Variants in CDH13 observed in about 807,000 individuals in gnomAD.
CDH13 encodes the protein cadherin-13.
CDH13 carries 24 observed loss-of-function variants against 63.8 expected under a neutral mutation model. The observed-to-expected ratio is 0.38, with a 90% CI of 0.27 to 0.53. The LOEUF (loss-of-function observed/expected upper bound fraction) is 0.53. Among genes scored for constraint, CDH13 ranks in the 20% least tolerant of loss-of-function variants. The probability of loss-of-function intolerance (pLI) is 0.85; values close to 1 mark genes in which losing one functional copy is unlikely to be tolerated. For missense variants in CDH13, 1,049 were observed against 903.1 expected (o/e 1.16, Z -2.07); for synonymous variants, 503 against 355.3 (o/e 1.42, Z -4.67).
intron 8 of CDH13, among the ~76,000 whole-genome samples, chr16:83,627,309 T>C (rs1910400385): frequency 6.6e-6 from 1 of 151,910 alleles, no homozygotes; most frequent in Non-Finnish European, 1.5e-5. Context: ...AAAAAAAAGA[T>C]TCCTATTCAT....
intron 3 of CDH13, among the ~76,000 whole-genome samples, chr16:83,078,010 C>G (rs72796252): frequency 0.05 from 7,595 of 152,160 alleles, 288 homozygotes; most frequent in Non-Finnish European, 0.07. Context: ...ACATTTTGTT[C>G]GTTTATTGGC....
intron 6 of CDH13, among the ~76,000 whole-genome samples, chr16:83,392,312 CCTCACGAG>C (rs1188776404): frequency 6.6e-6 from 1 of 152,116 alleles, no homozygotes; most frequent in East Asian, 1.9e-4. Context: ...TAGCGCCGTG[CCTCACGAG>C]CTGTAAGTAC....
At chr16:83,038,237 G>A (rs752831753) in intron 3 of CDH13, among the ~76,000 whole-genome samples, 10 of 152,150 alleles carry the variant, frequency 6.6e-5, no homozygotes, top group Non-Finnish European at 1.2e-4. Flanking sequence ...AAGGAGCCTG[G>A]CCTCTCTTAT....
At chr16:83,070,674 A>G (rs1173220692) in intron 3 of CDH13, among the ~76,000 whole-genome samples, 1 of 152,184 alleles carries the variant, frequency 6.6e-6, no homozygotes, top group African/African-American at 2.4e-5. Flanking sequence ...GCCCAAGAAG[A>G]TGATTGACCT....
At chr16:83,057,925 A>C (rs953875046) in intron 3 of CDH13, among the ~76,000 whole-genome samples, 1 of 152,160 alleles carries the variant, frequency 6.6e-6, no homozygotes, top group African/African-American at 2.4e-5. Context: ...CTAATTTTGA[A>C]GGCATTAAAA....
At chr16:83,569,660 G>C (rs1193432843) in intron 7 of CDH13, among the ~76,000 whole-genome samples, 2 of 152,122 alleles carry the variant, frequency 1.3e-5, no homozygotes, top group Admixed American at 6.5e-5. Context: ...CAAAGACATA[G>C]GACATGGACT....
chr16:82,627,758 G>A (rs1029113095), intron 1 of CDH13, among the ~76,000 whole-genome samples: 1 of 152,166 alleles, frequency 6.6e-6, no homozygotes, highest in African/African-American at 2.4e-5. Flanking sequence ...CCCGCATCGG[G>A]GTCCTTTTGC....
intron 6 of CDH13, among the ~76,000 whole-genome samples, chr16:83,414,803 C>A (rs531114615): frequency 6.6e-6 from 1 of 152,078 alleles, no homozygotes; most frequent in Non-Finnish European, 1.5e-5. Context: ...TCATATTTAT[C>A]CACTCATCCA....
intron 11 of CDH13, among the ~76,000 whole-genome samples, chr16:83,760,174 C>G (rs1421299016): frequency 6.6e-6 from 1 of 151,914 alleles, no homozygotes; most frequent in Non-Finnish European, 1.5e-5. Flanking sequence ...AGCAGCATAC[C>G]TATAAAATGG....
At position 83,783,399 on chromosome 16, in the gene CDH13, G is replaced by C; in HGVS notation, c.2061G>C (p.Val687=). The C allele has an allele frequency of 6.2e-7, 1 of 1,613,986 alleles. No individual in the cohort carries two copies. Among genetic ancestry groups the C allele is most frequent in the African/African-American group, 1.3e-5 (1 of 75,048 alleles). ...VQVCSCRNSK[V]DCNAAGALRF... is the part of the protein sequence containing the mutation. The stretch of plus-strand genomic sequence containing the variant: ...TGTGCTCCTGCAGGAATTCCAAAGT[G>C]GACTGCAACGCGGCAGGGGCCCTGC... Residue 687 remains valine (V), a synonymous_variant, in exon 13 of 14, where the codon GTG becomes GTC. Transcript: ENST00000567109.
rs142420091 is a variant in CDH13, at chr16:82,912,439, G to A, written c.157+53966G>A. ...TAAATGTAGGAATGAAGGCAAACAG[G>A]CCGGCCCTTCCCCCAGATGACTGGG... On this transcript the variant is annotated intron_variant, in intron 2 of 13. Coordinates refer to ENST00000567109, the MANE Select transcript of CDH13 (RefSeq NM_001257.5). Among the ~76,000 whole-genome samples the A allele has an allele frequency of 5.5e-3, 838 of 152,272 alleles. 10 individuals carry two copies. Among genetic ancestry groups the A allele is most frequent in the Middle Eastern group, 0.031 (9 of 294 alleles).
intron 1 of CDH13, among the ~76,000 whole-genome samples, chr16:82,768,952 A>C (rs994337624): frequency 1.3e-5 from 2 of 152,204 alleles, no homozygotes; most frequent in Non-Finnish European, 2.9e-5. Flanking sequence ...GCTGGGCACA[A>C]ATGTTCAAGA....
chr16:83,349,033 G>A lies in CDH13; in HGVS notation c.781+4027G>A, dbSNP rs917186360. Among the ~76,000 whole-genome samples the A allele has an allele frequency of 9.8e-5, 15 of 152,310 alleles. No individual in the cohort carries two copies. The East Asian group carries it at 2.9e-3, about 29-fold the overall frequency. ...CGGCACCAATCTATCACAAAGGAAG[G>A]TCACCCATATTTATCTGTATGTGCA... On this transcript the variant is annotated intron_variant, in intron 6 of 13. Coordinates refer to ENST00000567109, the MANE Select transcript of CDH13 (RefSeq NM_001257.5).
intron 2 of CDH13, among the ~76,000 whole-genome samples, chr16:82,952,594 CT>C (rs1395624981): frequency 1.3e-5 from 2 of 152,168 alleles, no homozygotes; most frequent in African/African-American, 4.8e-5. Flanking sequence ...TAGCTAATAT[CT>C]GTTTACTTAT....
chr16:83,081,995 TC>T (rs1374080479), intron 3 of CDH13, among the ~76,000 whole-genome samples: 1 of 152,082 alleles, frequency 6.6e-6, no homozygotes, highest in African/African-American at 2.4e-5. Flanking sequence ...AGACGGGGTT[TC>T]TTCATGTTGG....
intron 4 of CDH13, among the ~76,000 whole-genome samples, chr16:83,137,348 A>C (rs1342571578): frequency 1.3e-5 from 2 of 152,238 alleles, no homozygotes; most frequent in Non-Finnish European, 2.9e-5. Flanking sequence ...CAATTGTCCC[A>C]GTTCTACCTG....
intron 1 of CDH13, among the ~76,000 whole-genome samples, chr16:82,797,040 C>T (rs999267799): frequency 5.9e-5 from 9 of 152,204 alleles, no homozygotes; most frequent in Admixed American, 3.3e-4. Context: ...TACGATTCTT[C>T]CATGACTATG....
chr16:83,233,375 C>T (rs2040056955), intron 5 of CDH13, among the ~76,000 whole-genome samples: 1 of 152,306 alleles, frequency 6.6e-6, no homozygotes, highest in East Asian at 1.9e-4. Context: ...GCTACGTCAC[C>T]AGTCCTTGTG....
intron 6 of CDH13, among the ~76,000 whole-genome samples, chr16:83,354,063 A>T (rs1255633495): frequency 6.6e-6 from 1 of 152,278 alleles, no homozygotes; most frequent in Non-Finnish European, 1.5e-5. Flanking sequence ...TTGTAGCTTC[A>T]GAAATGTAGT....
Sources: allele counts gnomAD v4.1 joint callset (sites outside exome capture counted in the v4.1 genomes callset), GRCh38; gene constraint gnomAD v4.1.1; transcripts MANE v1.5; gene names NCBI Gene and HGNC (gene_info 2026-07-23, HGNC 2026-07-21).